Variants in LMAN2L observed in about 807,000 individuals in gnomAD.
LMAN2L encodes the protein VIP36-like protein.
LMAN2L carries 30 observed loss-of-function variants against 44.3 expected under a neutral mutation model. That is an observed-to-expected ratio of 0.68 (90% CI 0.51 to 0.92). The LOEUF is 0.92. Ranked by LOEUF, LMAN2L falls within the 40% of genes least tolerant of loss-of-function variation. The pLI is 0.00. For synonymous variants in LMAN2L, 183 were observed against 171.1 expected, an observed-to-expected ratio of 1.07 and a Z score of -0.54; for missense variants, 429 against 446.1, an observed-to-expected ratio of 0.96 and a Z score of 0.35.
In LMAN2L at chr2:96,710,884, C is replaced by A. The variant is rs562399151; in HGVS notation, c.784+772G>T. 8.5e-5 allele frequency among the ~76,000 whole-genome samples: 13 copies of A among 152,232 alleles called. No individual in the cohort carries two copies. The South Asian group carries it at 2.7e-3, about 32-fold the overall frequency. On this transcript the variant is annotated intron_variant, in intron 6 of 7. Coordinates refer to ENST00000264963, the MANE Select transcript of LMAN2L (RefSeq NM_030805.4). The stretch of plus-strand genomic sequence containing the variant: ...AATCAAAAGAAACAGAAGTTCAGTT[C>A]CTTTTCTCTTCCCAAAAGATGTTAT...
intron 6 of LMAN2L, among the ~76,000 whole-genome samples, chr2:96,710,464 G>A (rs1163755038): frequency 1.3e-5 from 2 of 152,170 alleles, no homozygotes; most frequent in African/African-American, 2.4e-5. Flanking sequence ...GGTCGAGATG[G>A]AGACCATCCT....
chr2:96,714,687 A>C (rs1392343641), intron 4 of LMAN2L, among the ~76,000 whole-genome samples: 1 of 152,204 alleles, frequency 6.6e-6, no homozygotes, highest in Non-Finnish European at 1.5e-5. Context: ...TTAGAAGTTT[A>C]AGTTGCAACT....
Position 96,710,902 on chromosome 2 carries a change from GATGTT to G in LMAN2L, c.784+749_784+753del, listed in dbSNP as rs377417239. 4.5e-3 allele frequency among the ~76,000 whole-genome samples: 689 copies of G among 152,226 alleles called. 5 individuals carry two copies. Among genetic ancestry groups the G allele is most frequent in the African/African-American group, 0.016 (660 of 41,522 alleles). On this transcript the variant is annotated intron_variant, in intron 6 of 7. Transcript: ENST00000264963. ...TTCAGTTCCTTTTCTCTTCCCAAAAGATGTTATGATTGGGGTTCAAGCAAAGAGAG... is the reference window on the plus strand; with the variant it reads ...TTCAGTTCCTTTTCTCTTCCCAAAAGATGATTGGGGTTCAAGCAAAGAGAG...
chr2:96,727,411 C>T (rs2078294249), intron 4 of LMAN2L, among the ~76,000 whole-genome samples: 1 of 152,100 alleles, frequency 6.6e-6, no homozygotes, highest in South Asian at 2.1e-4. Context: ...GCAGGCAAAG[C>T]ACTTGAGCAT....
chr2:96,735,098 C>A (rs1245906665), intron 2 of LMAN2L, among the ~76,000 whole-genome samples: 2 of 152,210 alleles, frequency 1.3e-5, no homozygotes, highest in African/African-American at 2.4e-5. Flanking sequence ...AGAATTCTCA[C>A]AAGAAGAGCA....
intron 4 of LMAN2L, among the ~76,000 whole-genome samples, chr2:96,715,381 T>A (rs1034662104): frequency 2.6e-5 from 4 of 152,262 alleles, no homozygotes; most frequent in Admixed American, 1.3e-4. Flanking sequence ...CTTCAACTTT[T>A]AACCTCACAT....
chr2:96,731,183 A>C (rs1201292152), intron 4 of LMAN2L, among the ~76,000 whole-genome samples: 1 of 152,334 alleles, frequency 6.6e-6, no homozygotes, highest in Non-Finnish European at 1.5e-5. Context: ...TCTCAGTGCT[A>C]CTGAGTACAA....
intron 4 of LMAN2L, among the ~76,000 whole-genome samples, chr2:96,723,936 T>C (rs186349451): frequency 6.6e-6 from 1 of 150,910 alleles, no homozygotes; most frequent in Admixed American, 6.6e-5. Flanking sequence ...AAAACATATA[T>C]ATTAAAAAAA....
intron 4 of LMAN2L, among the ~76,000 whole-genome samples, chr2:96,714,306 C>T (rs964605952): frequency 2.6e-5 from 4 of 152,206 alleles, no homozygotes; most frequent in South Asian, 2.1e-4. Context: ...AGAATCACAG[C>T]TTGTGAGAAG....
chr2:96,730,350 C>T (rs2078366305), intron 4 of LMAN2L, among the ~76,000 whole-genome samples: 1 of 152,096 alleles, frequency 6.6e-6, no homozygotes, highest in Admixed American at 6.6e-5. Flanking sequence ...AATGTACCTA[C>T]CCCTTCAGAA....
At chr2:96,724,792 G>A (rs1050918588) in intron 4 of LMAN2L, among the ~76,000 whole-genome samples, 10 of 151,968 alleles carry the variant, frequency 6.6e-5, no homozygotes, top group Admixed American at 1.3e-4. Context: ...GACTACAGGC[G>A]CACACTGCGA....
chr2:96,713,025 C>T (rs2077962120), intron 4 of LMAN2L: 1 of 1,251,224 alleles, frequency 8.0e-7, no homozygotes, highest in Non-Finnish European at 1.1e-6. Flanking sequence ...CCTGAGACAA[C>T]CACATGGACT....
chr2:96,719,576 T>C (rs2078108074), intron 4 of LMAN2L, among the ~76,000 whole-genome samples: 1 of 151,178 alleles, frequency 6.6e-6, no homozygotes, highest in Non-Finnish European at 1.5e-5. Flanking sequence ...AGCAAGACCG[T>C]ATCTCTACAA....
chr2:96,710,622 C>T (rs922194668), intron 6 of LMAN2L, among the ~76,000 whole-genome samples: 1 of 152,010 alleles, frequency 6.6e-6, no homozygotes, highest in Non-Finnish European at 1.5e-5. Context: ...TGACATGGCG[C>T]CACTGCACCC....
intron 4 of LMAN2L, among the ~76,000 whole-genome samples, chr2:96,728,254 G>A (rs546767920): frequency 1.3e-5 from 2 of 152,182 alleles, no homozygotes; most frequent in South Asian, 2.1e-4. Flanking sequence ...TTGGGAGACC[G>A]AGGCGGGCGG....
At chr2:96,729,875 G>A (rs1188795775) in intron 4 of LMAN2L, among the ~76,000 whole-genome samples, 1 of 152,134 alleles carries the variant, frequency 6.6e-6, no homozygotes, top group Non-Finnish European at 1.5e-5. Context: ...GGCTATACAT[G>A]TGAATCTCCT....
At chr2:96,722,459 G>T (rs139195316) in intron 4 of LMAN2L, among the ~76,000 whole-genome samples, 2 of 151,716 alleles carry the variant, frequency 1.3e-5, no homozygotes, top group African/African-American at 4.8e-5. Flanking sequence ...TAGATCCCTC[G>T]CATGCTCAGT....
At chr2:96,726,724 C>A (rs1191801998) in intron 4 of LMAN2L, among the ~76,000 whole-genome samples, 1 of 151,938 alleles carries the variant, frequency 6.6e-6, no homozygotes, top group African/African-American at 2.4e-5. Context: ...GTGGAGATTG[C>A]AGTGGGCAGA....
intron 2 of LMAN2L, chr2:96,737,274 A>T: frequency 2.5e-6 from 1 of 393,588 alleles, no homozygotes; most frequent in Non-Finnish European, 4.9e-6. Flanking sequence ...AGTGGCTTTC[A>T]CATGAAAATA....
Sources: gnomAD v4.1 joint callset for allele counts (sites outside exome capture counted in the v4.1 genomes callset) on GRCh38, gnomAD v4.1.1 for gene constraint, MANE v1.5 for transcripts, NCBI Gene and HGNC (gene_info 2026-07-23, HGNC 2026-07-21) for gene names.